RASAL2: variants seen among roughly 807,000 people sequenced by gnomAD.
The protein encoded by RASAL2 is RAS protein activator like 2, also known as ras GTPase-activating protein nGAP.
Under a neutral mutation model 128.9 loss-of-function variants are expected in RASAL2, and 58 were observed. The ratio of observed to expected loss-of-function variants is 0.45; its 90% CI spans 0.36 to 0.56. RASAL2 has a LOEUF of 0.56. RASAL2 is among the 20% of genes least tolerant of loss of function. The probability of loss-of-function intolerance (pLI) is 0.00; values close to 1 mark genes in which losing one functional copy is unlikely to be tolerated. For missense variants in RASAL2, 1,360 were observed against 1,601.6 expected (o/e 0.85, Z 2.57); for synonymous variants, 561 against 580.8 (o/e 0.97, Z 0.49).
intron 1 of RASAL2, among the ~76,000 whole-genome samples, chr1:178,147,190 T>G (rs1269912382): frequency 6.6e-6 from 1 of 152,188 alleles, no homozygotes; most frequent in African/African-American, 2.4e-5. Flanking sequence ...TATTCTGCCC[T>G]TTTAAAGCTA....
chr1:178,361,225 G>T (rs554958383), intron 3 of RASAL2, among the ~76,000 whole-genome samples: 1 of 151,984 alleles, frequency 6.6e-6, no homozygotes, highest in African/African-American at 2.4e-5. Flanking sequence ...AACTACAGCC[G>T]AATTTACAAC....
intron 1 of RASAL2, among the ~76,000 whole-genome samples, chr1:178,257,420 GAT>G (rs1491168992): frequency 1.1e-3 from 133 of 116,214 alleles, no homozygotes; most frequent in African/African-American, 5.1e-3. Context: ...CTGGCTCAGG[GAT>G]ATGTGTGTGT....
At chr1:178,272,795 G>T (rs1037423408) in intron 1 of RASAL2, among the ~76,000 whole-genome samples, 1 of 152,054 alleles carries the variant, frequency 6.6e-6, no homozygotes, top group Non-Finnish European at 1.5e-5. Context: ...GGGTGTGCTG[G>T]CACATGCCTG....
intron 3 of RASAL2, among the ~76,000 whole-genome samples, chr1:178,354,298 TAAC>T (rs1670676187): frequency 1.3e-5 from 2 of 152,188 alleles, no homozygotes; most frequent in Admixed American, 1.3e-4. Flanking sequence ...TAATAAAATT[TAAC>T]AACTATTCAT....
At chr1:178,347,450 G>T (rs1045015628) in intron 3 of RASAL2, among the ~76,000 whole-genome samples, 2 of 151,974 alleles carry the variant, frequency 1.3e-5, no homozygotes, top group South Asian at 4.1e-4. Context: ...AAATTTTAAC[G>T]TTTGATCATA....
At chr1:178,373,273 C>CTTTTTTTTTTTTTTTTTT (rs1571950971) in intron 3 of RASAL2, among the ~76,000 whole-genome samples, 1 of 20,648 alleles carries the variant, frequency 4.8e-5, no homozygotes, top group Non-Finnish European at 8.4e-5. Flanking sequence ...CTGTTTCTTT[C>CTTTTTTTTTTTTTTTTTT]CTTTTTTTTT....
chr1:178,114,765 G>A (rs1659465811), intron 1 of RASAL2, among the ~76,000 whole-genome samples: 2 of 152,024 alleles, frequency 1.3e-5, no homozygotes, highest in African/African-American at 2.4e-5. Context: ...CTCGTGATCC[G>A]CCCGCCTTGG....
At chr1:178,187,722 G>A (rs911738466) in intron 1 of RASAL2, among the ~76,000 whole-genome samples, 2 of 152,030 alleles carry the variant, frequency 1.3e-5, no homozygotes, top group African/African-American at 4.8e-5. Flanking sequence ...CTAGTTTTGA[G>A]GCTTGATTGA....
intron 1 of RASAL2, among the ~76,000 whole-genome samples, chr1:178,134,331 G>A (rs1351868670): frequency 6.6e-6 from 1 of 151,948 alleles, no homozygotes; most frequent in East Asian, 1.9e-4. Context: ...ATGGCCTAGA[G>A]TGAGTAGTCC....
chr1:178,297,937 C>T (rs565992654), intron 2 of RASAL2, among the ~76,000 whole-genome samples: 2 of 152,186 alleles, frequency 1.3e-5, no homozygotes, highest in African/African-American at 2.4e-5. Context: ...AAAAATATTT[C>T]CTCCTAAAAC....
intron 3 of RASAL2, among the ~76,000 whole-genome samples, chr1:178,383,077 CAAG>C (rs1221587551): frequency 1.3e-5 from 2 of 151,918 alleles, no homozygotes; most frequent in Admixed American, 1.3e-4. Flanking sequence ...ATTATGTTAA[CAAG>C]AAGAAATATT....
intron 1 of RASAL2, among the ~76,000 whole-genome samples, chr1:178,128,396 T>C (rs1180983141): frequency 6.6e-6 from 1 of 152,180 alleles, no homozygotes; most frequent in East Asian, 1.9e-4. Flanking sequence ...AATAGAATTC[T>C]ACTTGTTAGT....
intron 1 of RASAL2, among the ~76,000 whole-genome samples, chr1:178,189,679 A>G (rs929957615): frequency 2.6e-5 from 4 of 152,178 alleles, no homozygotes; most frequent in Non-Finnish European, 4.4e-5. Flanking sequence ...AATAATCTAT[A>G]CCAGTTGTCT....
chr1:178,152,769 A>G (rs1236118460), intron 1 of RASAL2, among the ~76,000 whole-genome samples: 5 of 152,228 alleles, frequency 3.3e-5, no homozygotes, highest in African/African-American at 9.6e-5. Flanking sequence ...TGTAACCATT[A>G]CTCAGCTTCA....
intron 1 of RASAL2, among the ~76,000 whole-genome samples, chr1:178,203,341 G>A (rs981408194): frequency 6.6e-6 from 1 of 152,172 alleles, no homozygotes; most frequent in Admixed American, 6.5e-5. Flanking sequence ...TTGATAGAAC[G>A]GTAGAATGGC....
intron 4 of RASAL2, among the ~76,000 whole-genome samples, chr1:178,400,897 C>T (rs897217836): frequency 6.6e-6 from 1 of 152,132 alleles, no homozygotes; most frequent in African/African-American, 2.4e-5. Context: ...ATTACAAGCA[C>T]ATGCCACCAC....
At chr1:178,343,289 A>G (rs191516590) in intron 3 of RASAL2, among the ~76,000 whole-genome samples, 236 of 152,320 alleles carry the variant, frequency 1.5e-3, no homozygotes, top group African/African-American at 5.4e-3. Flanking sequence ...ATCGGAAACC[A>G]AATTACCAAG....
chr1:178,398,357 C>T (rs893691582), intron 4 of RASAL2, among the ~76,000 whole-genome samples: 6 of 152,096 alleles, frequency 3.9e-5, no homozygotes, highest in Non-Finnish European at 7.4e-5. Flanking sequence ...TTCATGTTTG[C>T]ATAGCATATG....
At chr1:178,468,568 CA>C (rs1269695710) in intron 17 of RASAL2, among the ~76,000 whole-genome samples, 1 of 152,218 alleles carries the variant, frequency 6.6e-6, no homozygotes, top group African/African-American at 2.4e-5. Context: ...CTCCTTTAAA[CA>C]CACTAGACTT....
Sources: allele counts gnomAD v4.1 joint callset (sites outside exome capture counted in the v4.1 genomes callset), GRCh38; gene constraint gnomAD v4.1.1; transcripts MANE v1.5; gene names NCBI Gene and HGNC (gene_info 2026-07-23, HGNC 2026-07-21).